MAP3K9: variants seen among roughly 807,000 people sequenced by gnomAD.
The protein encoded by MAP3K9 is mixed lineage kinase 1 (tyr and ser/thr specificity).
MAP3K9 carries 46 observed loss-of-function variants against 95.8 expected under a neutral mutation model. The observed-to-expected ratio is 0.48, with a 90% CI of 0.38 to 0.61. The LOEUF is 0.61. MAP3K9 is among the 20% of genes least tolerant of loss of function. The pLI is 0.00. For synonymous variants in MAP3K9, 533 were observed against 593.8 expected (o/e 0.90, Z 1.49); for missense variants, 1,296 against 1,474.3 (o/e 0.88, Z 1.98).
At position 70,730,882 on chromosome 14, in the gene MAP3K9, A is replaced by C; in HGVS notation, c.2831-18T>G. ...CAACATTCCTGGTCAAAAAGACAAA[A>C]GGAGAAGCATCAGATGAGGCACCAT... On this transcript the variant is annotated intron_variant, in intron 11 of 11. Transcript: ENST00000554752. 1 of 1,588,046 alleles carries C rather than the reference A, an allele frequency of 6.3e-7. No homozygotes were observed. The highest frequency in any genetic ancestry group is 8.5e-7 in the Non-Finnish European group (1 of 1,170,944).
Position 70,728,410 on chromosome 14 carries a change from C to T in MAP3K9, c.*1970G>A, listed in dbSNP as rs1221233420. 1 of 152,172 alleles carries T rather than the reference C, an allele frequency of 6.6e-6. No individual in the cohort carries two copies. The highest frequency in any genetic ancestry group is 2.4e-5 in the African/African-American group (1 of 41,418). The allele number at this position is 152,172 out of a possible 1,614,324, so 9.4% of individuals were successfully genotyped here. ...AAGCGCTGGGATTACAGGCGTGAGC[C>T]ACCGCGCCCTGTCAGAACAAACTTT... On this transcript the variant is annotated 3_prime_UTR_variant, in exon 12 of 12. Transcript: ENST00000554752.
rs1391215639 is a variant in MAP3K9, at chr14:70,735,234, C to A, written c.1913+727G>T. On this transcript the variant is annotated intron_variant, in intron 9 of 11. Coordinates refer to ENST00000554752, the MANE Select transcript of MAP3K9 (RefSeq NM_001284230.2). ...GGATACAGCCTGGGCACCCTGCCAA[C>A]CACTTTGTAGGAGGGGGGAACCAGA... Among the ~76,000 whole-genome samples the A allele has an allele frequency of 2.0e-5, 3 of 152,186 alleles. No homozygotes were observed. The East Asian group carries it at 5.8e-4, about 29-fold the overall frequency.
chr14:70,809,447 T>G lies in MAP3K9; in HGVS notation c.-276A>C. 4.0e-6 allele frequency: 1 copy of G among 249,704 alleles called. No individual in the cohort carries two copies. The highest frequency in any genetic ancestry group is 7.6e-6 in the Non-Finnish European group (1 of 131,964). 15.5% of individuals were successfully genotyped at this position (249,704 alleles called of 1,614,324 possible). On this transcript the variant is annotated 5_prime_UTR_variant, in exon 1 of 12. Transcript: ENST00000554752. ...CCCCCGGGGGCGGCCTCGTCACCTC[T>G]GCCGCCGGTACCTGCTCGCGCAGCC...
chr14:70,801,059 T>C lies in MAP3K9; in HGVS notation c.428A>G (p.Glu143Gly). 2 of 1,608,100 alleles carry C rather than the reference T, an allele frequency of 1.2e-6. No individual in the cohort carries two copies. Among genetic ancestry groups the C allele is most frequent in the Non-Finnish European group, 1.7e-6 (2 of 1,175,614 alleles). ...PIQLLEIDFA[E>G]LTLEEIIGIG... is the part of the protein sequence containing the mutation. ...GCCAATAATCTCTTCCAAGGTGAGC[T>C]CCGCAAAATCAATTTCTAACACTGA... Residue 143 changes from glutamate to glycine, a missense_variant, in exon 2 of 12, where the codon GAG becomes GGG. Glu to Gly is a moderately conservative substitution (Grantham distance 98). Around this residue, in one of 5 missense-constraint regions of MAP3K9, gnomAD observed 338 missense variants for 363.4 expected, o/e 0.93. Coordinates refer to ENST00000554752, the MANE Select transcript of MAP3K9 (RefSeq NM_001284230.2).
chr14:70,774,578 G>T (rs1254883808), intron 2 of MAP3K9, among the ~76,000 whole-genome samples: 1 of 151,960 alleles, frequency 6.6e-6, no homozygotes, highest in Non-Finnish European at 1.5e-5. Context: ...CAGGAGAATC[G>T]CTTGAACCTG....
In MAP3K9 at chr14:70,730,349, G is replaced by A. The variant is rs774752665; in HGVS notation, c.*31C>T. 8 of 1,580,980 alleles carry A rather than the reference G, an allele frequency of 5.1e-6. No individual in the cohort carries two copies. The East Asian group carries it at 1.4e-4, about 27-fold the overall frequency. The stretch of plus-strand genomic sequence containing the variant: ...CCAGCTCCCCTCATCTCCGCTGGCT[G>A]TCCCCCTTGCCCGCCCCAATCCTTT... On this transcript the variant is annotated 3_prime_UTR_variant, in exon 12 of 12. Coordinates refer to ENST00000554752, the MANE Select transcript of MAP3K9 (RefSeq NM_001284230.2).
rs1279006108 is a variant in MAP3K9, at chr14:70,732,187, C to T, written c.2830+352G>A. 2.0e-5 allele frequency among the ~76,000 whole-genome samples: 3 copies of T among 152,186 alleles called. No individual in the cohort carries two copies. The East Asian group carries it at 5.8e-4, about 29-fold the overall frequency. Reference sequence around the variant, plus strand: ...TCCTTCCTGGAAAATGCATCATCCTCCTCAGGGAATAACTAGAAGCTAGAC... The same window carrying T: ...TCCTTCCTGGAAAATGCATCATCCTTCTCAGGGAATAACTAGAAGCTAGAC... On this transcript the variant is annotated intron_variant, in intron 11 of 11. Transcript: ENST00000554752.
intron 3 of MAP3K9, 82 bp from the exon 4 acceptor site, chr14:70,750,163 T>C (rs1382922790): frequency 3.5e-6 from 4 of 1,156,450 alleles, no homozygotes; most frequent in African/African-American, 3.1e-5. Context: ...TTTCTGAGCA[T>C]CCCACATTCT....
At chr14:70,745,637 C>G (rs1007428145) in intron 5 of MAP3K9, among the ~76,000 whole-genome samples, 1 of 151,906 alleles carries the variant, frequency 6.6e-6, no homozygotes, top group African/African-American at 2.4e-5. Flanking sequence ...ACTTGGGAGG[C>G]TGAGGCAGGA....
chr14:70,736,352 C>T (rs2139715251), intron 8 of MAP3K9, among the ~76,000 whole-genome samples: 1 of 152,268 alleles, frequency 6.6e-6, no homozygotes, highest in East Asian at 1.9e-4. Flanking sequence ...ATGCAAAACT[C>T]ACTTAACATT....
rs370206624 is a variant in MAP3K9, at chr14:70,738,358, T to G, written c.1731A>C (p.Ser577=). Residue 577 remains serine, a synonymous_variant, in exon 8 of 12, where the codon TCA becomes TCC. Coordinates refer to ENST00000554752, the MANE Select transcript of MAP3K9 (RefSeq NM_001284230.2). ...CCTCCCCTTCCTCCTTTGGGACGACTGAGCTCCTGCCCCAGGTTTTGCTGC... is the reference window on the plus strand; with the variant it reads ...CCTCCCCTTCCTCCTTTGGGACGACGGAGCTCCTGCCCCAGGTTTTGCTGC... The part of the protein sequence containing the change: ...GESSKTWGRS[S]VVPKEEGEEE... 20 of 1,613,922 alleles carry G rather than the reference T, an allele frequency of 1.2e-5. No individual in the cohort carries two copies. The highest frequency in any genetic ancestry group is 1.7e-5 in the Non-Finnish European group (20 of 1,179,992).
rs570027150 is a variant in MAP3K9 at position 70,767,315 on chromosome 14, C to T, written c.821-6133G>A. 8.7e-5 allele frequency among the ~76,000 whole-genome samples: 12 copies of T among 138,108 alleles called. No homozygotes were observed. In the East Asian group the frequency reaches 1.1e-3, roughly 12 times the overall value. The allele number at this position is 138,108 out of a possible 152,430, so 90.6% of individuals were successfully genotyped here. ...AGGAGAATTTCTTGAACCCATGAGG[C>T]GGAGGTTGAAGTGAGCCGAGACTGC... On this transcript the variant is annotated intron_variant, in intron 2 of 11. Transcript: ENST00000554752.
At chr14:70,793,858 C>T (rs932099444) in intron 2 of MAP3K9, among the ~76,000 whole-genome samples, 12 of 152,264 alleles carry the variant, frequency 7.9e-5, no homozygotes, top group African/African-American at 1.7e-4. Context: ...TGTTTTGTTT[C>T]GTTATGGCCT....
Position 70,809,247 on chromosome 14 carries a change from G to A in MAP3K9, c.-76C>T. On this transcript the variant is annotated 5_prime_UTR_variant, in exon 1 of 12. Coordinates refer to ENST00000554752, the MANE Select transcript of MAP3K9 (RefSeq NM_001284230.2). ...CGCCGCCTATTGTTCATGCGCCTCC[G>A]CAGAGCTGGGAGGACCCCCCCCCAA... The A allele has an allele frequency of 1.6e-6, 2 of 1,274,190 alleles. No individual in the cohort carries two copies. The highest frequency in any genetic ancestry group is 2.0e-6 in the Non-Finnish European group (2 of 1,015,300). 78.9% of individuals were successfully genotyped at this position (1,274,190 alleles called of 1,614,324 possible). A position where few individuals can be genotyped will look rare whatever the true frequency, so the allele number is the denominator to read the frequency against.
At chr14:70,734,314 C>T (rs1594764546) in intron 10 of MAP3K9, 72 bp downstream of exon 10, 11 of 1,063,632 alleles carry the variant, frequency 1.0e-5, no homozygotes, top group East Asian at 7.1e-5. Context: ...TTAAATGGTC[C>T]TAGAAGCTTG....
At chr14:70,799,560 C>T (rs1243332111) in intron 2 of MAP3K9, among the ~76,000 whole-genome samples, 5 of 152,108 alleles carry the variant, frequency 3.3e-5, no homozygotes, top group Admixed American at 6.5e-5. Flanking sequence ...AGGATGGTCT[C>T]GATCTCCTGA....
chr14:70,722,582 T>A lies in MAP3K9; in HGVS notation c.*7798A>T, dbSNP rs1023171536. The A allele has an allele frequency of 6.6e-6, 1 of 151,808 alleles. No individual in the cohort carries two copies. The highest frequency in any genetic ancestry group is 1.5e-5 in the Non-Finnish European group (1 of 68,020). 9.4% of individuals were successfully genotyped at this position (151,808 alleles called of 1,614,324 possible). On this transcript the variant is annotated 3_prime_UTR_variant, in exon 12 of 12. Transcript: ENST00000554752. Reference sequence around the variant, plus strand: ...GTGTGCTCTGGCATTGAGACCAGGCTGAGATCAGCATTACACTGTAATACA... The same window carrying A: ...GTGTGCTCTGGCATTGAGACCAGGCAGAGATCAGCATTACACTGTAATACA...
At position 70,727,345 on chromosome 14, in the gene MAP3K9, T is replaced by C. The variant is rs1424168656; in HGVS notation, c.*3035A>G. ...GATCCCCAAGAGGGTCAAAAGGGGA[T>C]AATCCGAATCAGCGGTAGGAGCTGA... On this transcript the variant is annotated 3_prime_UTR_variant, in exon 12 of 12. Transcript: ENST00000554752. 1 of 152,246 alleles carries C rather than the reference T, an allele frequency of 6.6e-6. No homozygotes were observed. Among genetic ancestry groups the C allele is most frequent in the Admixed American group, 6.5e-5 (1 of 15,278 alleles). 9.4% of individuals were successfully genotyped at this position (152,246 alleles called of 1,614,324 possible). A position where few individuals can be genotyped will look rare whatever the true frequency, so the allele number is the denominator to read the frequency against.
chr14:70,741,416 C>A (rs1301761239), intron 6 of MAP3K9, among the ~76,000 whole-genome samples: 2 of 152,188 alleles, frequency 1.3e-5, no homozygotes, highest in Non-Finnish European at 2.9e-5. Flanking sequence ...AATAAGCCTG[C>A]TTTCTAGGGC....
Sources: allele counts gnomAD v4.1 joint callset (sites outside exome capture counted in the v4.1 genomes callset), GRCh38; gene constraint gnomAD v4.1.1; regional missense constraint gnomAD v4.1.1; transcripts MANE v1.5; gene names NCBI Gene and HGNC (gene_info 2026-07-23, HGNC 2026-07-21).